ATP13A2: variants seen among roughly 807,000 people sequenced by gnomAD.
The protein encoded by ATP13A2 is polyamine-transporting ATPase 13A2.
Under a neutral mutation model 138.3 loss-of-function variants are expected in ATP13A2, and 83 were observed. That is an observed-to-expected ratio of 0.60 (90% CI 0.50 to 0.72). ATP13A2 has a LOEUF of 0.72. Ranked by LOEUF, ATP13A2 falls within the 30% of genes least tolerant of loss-of-function variation. The pLI is 0.00. For missense variants in ATP13A2, 1,402 were observed against 1,606.4 expected, an observed-to-expected ratio of 0.87 and a Z score of 2.17; for synonymous variants, 663 against 699.0, an observed-to-expected ratio of 0.95 and a Z score of 0.81.
At chr1:16,989,856 A>G (rs747248855) in intron 22 of ATP13A2, 31 bp downstream of exon 22, 17 of 1,608,674 alleles carry the variant, frequency 1.1e-5, no homozygotes, top group Non-Finnish European at 1.4e-5. Context: ...GGGGAGGCGC[A>G]GGGCGGCCAG....
intron 20 of ATP13A2, 93 bp from the exon 21 acceptor site, chr1:16,990,380 A>G: frequency 6.6e-7 from 1 of 1,524,268 alleles, no homozygotes; most frequent in Non-Finnish European, 9.0e-7. Flanking sequence ...GCTGGATGAA[A>G]TCCGTCTGCC....
chr1:17,009,387 CTTTTTTT>C (rs1161920218), intron 1 of ATP13A2, among the ~76,000 whole-genome samples: 1 of 116,502 alleles, frequency 8.6e-6, no homozygotes, highest in Admixed American at 9.9e-5. Context: ...GAGCCTCTTC[CTTTTTTT>C]TTTTTTTTTT....
chr1:17,003,608 C>T (rs920408880), intron 6 of ATP13A2, among the ~76,000 whole-genome samples: 55 of 151,326 alleles, frequency 3.6e-4, no homozygotes, highest in African/African-American at 1.3e-3. Context: ...CACACACACA[C>T]ACACACACAC....
chr1:16,991,974 G>T, intron 19 of ATP13A2, 35 bp downstream of exon 19: 1 of 1,609,716 alleles, frequency 6.2e-7, no homozygotes, highest in Non-Finnish European at 8.5e-7. Flanking sequence ...CCTCTGCCTA[G>T]TCCTCAGAGT....
chr1:16,996,565 C>T, intron 12 of ATP13A2, 69 bp from the exon 13 acceptor site: 1 of 1,268,930 alleles, frequency 7.9e-7, no homozygotes, highest in Non-Finnish European at 1.1e-6. Flanking sequence ...ACCCCTAGCC[C>T]TCCCGACCCG....
At chr1:17,002,898 C>T (rs1019088959) in intron 6 of ATP13A2, among the ~76,000 whole-genome samples, 4 of 152,322 alleles carry the variant, frequency 2.6e-5, no homozygotes, top group Non-Finnish European at 4.4e-5. Flanking sequence ...CTCCCCTCTG[C>T]CTCACCTCCA....
At chr1:17,007,111 T>G (rs1157580315) in intron 1 of ATP13A2, among the ~76,000 whole-genome samples, 1 of 152,164 alleles carries the variant, frequency 6.6e-6, no homozygotes, top group Admixed American at 6.5e-5. Context: ...ACTGCCGACC[T>G]CAGGTGATCC....
In ATP13A2 at chr1:16,987,246, C is replaced by T. The variant is rs2076769640; in HGVS notation, c.2883G>A (p.Leu961=). 2 of 1,613,668 alleles carry T rather than the reference C, an allele frequency of 1.2e-6. No homozygotes were observed. The highest frequency in any genetic ancestry group is 2.7e-5 in the African/African-American group (2 of 74,892). ...LYTINTNLGD[L]QFLAIDLVIT... Reference sequence around the variant, plus strand: ...TGACCAGGTCGATGGCCAGGAACTGCAGGTCACCCAGGTTGGTGTTGATCT... The same window carrying T: ...TGACCAGGTCGATGGCCAGGAACTGTAGGTCACCCAGGTTGGTGTTGATCT... Residue 961 remains leucine (L), a synonymous_variant, in exon 26 of 29, where the codon CTG becomes CTA. Coordinates refer to ENST00000326735, the MANE Select transcript of ATP13A2 (RefSeq NM_022089.4).
At position 16,986,456 on chromosome 1, in the gene ATP13A2, GC is replaced by G. The variant is rs1187475357; in HGVS notation, c.3405+6del. On this transcript the variant is annotated splice_donor_region_variant and intron_variant, in intron 28 of 28. Coordinates refer to ENST00000326735, the MANE Select transcript of ATP13A2 (RefSeq NM_022089.4). This position sits in a 1 kb window ranked among gnomAD's most constrained non-coding sequence, Gnocchi z 6.9. Reference sequence around the variant, plus strand: ...CTCCCGCTGCTGAGACCCAGGGCGGGCCCCACCTCCAGCATGAAGGCCCCCA... The same window carrying G: ...CTCCCGCTGCTGAGACCCAGGGCGGGCCCACCTCCAGCATGAAGGCCCCCA... The G allele has an allele frequency of 1.9e-6, 3 of 1,611,428 alleles. No individual in the cohort carries two copies. Among genetic ancestry groups the G allele is most frequent in the Middle Eastern group, 3.3e-4 (2 of 6,084 alleles).
intron 6 of ATP13A2, among the ~76,000 whole-genome samples, chr1:17,003,663 TTTC>T (rs1055355530): frequency 4.0e-5 from 3 of 74,838 alleles, no homozygotes; most frequent in East Asian, 6.3e-4. Flanking sequence ...TGTGTTTCTT[TTTC>T]TTTTTTTTTT....
Position 17,000,435 on chromosome 1 carries a change from T to C in ATP13A2, c.805A>G (p.Ile269Val). 6.2e-7 allele frequency: 1 copy of C among 1,613,766 alleles called. No individual in the cohort carries two copies. Among genetic ancestry groups the C allele is most frequent in the Admixed American group, 1.7e-5 (1 of 60,004 alleles). ...YALCIFLISS[I>V]SICLSLYKTR... ...TTGTACAGCGACAGGCAGATGGAGA[T>C]GGAGGAAATGAGGAAGATGCACAGG... Residue 269 changes from isoleucine (I) to valine (V), a missense_variant, in exon 9 of 29, where the codon ATC becomes GTC. Coordinates refer to ENST00000326735, the MANE Select transcript of ATP13A2 (RefSeq NM_022089.4).
intron 1 of ATP13A2, among the ~76,000 whole-genome samples, chr1:17,010,057 T>A (rs997455120): frequency 9.2e-5 from 14 of 152,022 alleles, no homozygotes; most frequent in African/African-American, 3.4e-4. Context: ...CATGATGGCA[T>A]TGCTCTTTTT....
chr1:16,991,256 C>T (rs926049371), intron 20 of ATP13A2, among the ~76,000 whole-genome samples: 9 of 151,976 alleles, frequency 5.9e-5, no homozygotes, highest in Non-Finnish European at 8.8e-5. Context: ...CGGCCATTTT[C>T]GTATTCTTTG....
At position 16,989,572 on chromosome 1, in the gene ATP13A2, G is replaced by T. The variant is rs2076850287; in HGVS notation, c.2609+119C>A. 14 of 965,788 alleles carry T rather than the reference G, an allele frequency of 1.4e-5. No individual in the cohort carries two copies. In the South Asian group the frequency reaches 1.9e-4, roughly 13 times the overall value. The allele number at this position is 965,788 out of a possible 1,614,324, so 59.8% of individuals were successfully genotyped here. A position where few individuals can be genotyped will look rare whatever the true frequency, so the allele number is the denominator to read the frequency against. On this transcript the variant is annotated intron_variant, in intron 23 of 28. Coordinates refer to ENST00000326735, the MANE Select transcript of ATP13A2 (RefSeq NM_022089.4). ...GCCTGCCTGCTTTTGGTGAGGAGGG[G>T]TGACAGCTCTCTGGTGCCTGAGGAG...
At position 16,997,427 on chromosome 1, in the gene ATP13A2, G is replaced by A. The variant is rs914695024; in HGVS notation, c.1040-252C>T. Among the ~76,000 whole-genome samples the A allele has an allele frequency of 8.1e-5, 11 of 136,484 alleles. 2 individuals carry two copies. The highest frequency in any genetic ancestry group is 7.3e-4 in the Admixed American group (10 of 13,622). 89.5% of individuals were successfully genotyped at this position (136,484 alleles called of 152,430 possible). A position where few individuals can be genotyped will look rare whatever the true frequency, so the allele number is the denominator to read the frequency against. ...CCCTGGAACCAGCGGGGGGGGGTGG[G>A]TCAGACAGAGCATGTGTGGGCATCA... On this transcript the variant is annotated intron_variant, in intron 11 of 28. Coordinates refer to ENST00000326735, the MANE Select transcript of ATP13A2 (RefSeq NM_022089.4).
chr1:16,989,942 AGGGCCAGGTGCCTGGATC>A lies in ATP13A2; in HGVS notation c.2456_2473del (p.Arg819_Ala824del). The A allele has an allele frequency of 6.2e-7, 1 of 1,603,414 alleles. No individual in the cohort carries two copies. The highest frequency in any genetic ancestry group is 1.1e-5 in the South Asian group (1 of 89,954). ...AATGATACCAAAGGTGGGCCCGCTG[AGGGCCAGGTGCCTGGATC>A]GGGGGTCTGGCTCCACGGTGTAGCT... On this transcript the variant is annotated inframe_deletion, in exon 22 of 29. Coordinates refer to ENST00000326735, the MANE Select transcript of ATP13A2 (RefSeq NM_022089.4).
intron 23 of ATP13A2, 150 bp from the exon 24 acceptor site, chr1:16,988,624 T>A (rs2076818167): frequency 1.4e-6 from 1 of 712,754 alleles, no homozygotes. Flanking sequence ...TTATTATTAT[T>A]ATTATCATTA....
Position 16,992,372 on chromosome 1 carries a change from G to A in ATP13A2, c.1876C>T (p.His626Tyr), listed in dbSNP as rs778267471. Residue 626 changes from histidine (H) to tyrosine (Y), a missense_variant, in exon 18 of 29, where the codon CAC (histidine) becomes TAC (tyrosine). Transcript: ENST00000326735. ...EEPPVPVSVL[H>Y]RFPFSSALQR... ...AGAGCCGAAGAGAAGGGGAAGCGGTGGAGGACGCTGACTGGCACCGGGGGC... is the reference window on the plus strand; with the variant it reads ...AGAGCCGAAGAGAAGGGGAAGCGGTAGAGGACGCTGACTGGCACCGGGGGC... The A allele has an allele frequency of 1.4e-5, 23 of 1,613,474 alleles. No homozygotes were observed. The highest frequency in any genetic ancestry group is 1.8e-5 in the Non-Finnish European group (21 of 1,179,910).
chr1:16,987,101 C>T lies in ATP13A2; in HGVS notation c.3028G>A (p.Val1010Ile). Reference protein sequence around the residue: ...PVLSSLLLQMVLVTGVQLGGY... With the variant: ...PVLSSLLLQMILVTGVQLGGY... Reference sequence around the variant, plus strand: ...CCTAGCTGCACGCCGGTCACCAGGACCATCTGCAGCAGCAGGCTGCTGAGC... The same window carrying T: ...CCTAGCTGCACGCCGGTCACCAGGATCATCTGCAGCAGCAGGCTGCTGAGC... The change falls in exon 26 of 29, where the codon GTC (valine) becomes ATC (isoleucine). Residue 1010 changes from valine (V) to isoleucine (I), a missense_variant. Transcript: ENST00000326735. 6.2e-7 allele frequency: 1 copy of T among 1,613,492 alleles called. No individual in the cohort carries two copies. The highest frequency in any genetic ancestry group is 8.5e-7 in the Non-Finnish European group (1 of 1,179,954).
Sources: gnomAD v4.1 joint callset for allele counts (sites outside exome capture counted in the v4.1 genomes callset) on GRCh38, gnomAD v4.1.1 for gene constraint, Gnocchi (gnomAD v3.1) non-coding constraint, MANE v1.5 for transcripts, NCBI Gene and HGNC (gene_info 2026-07-23, HGNC 2026-07-21) for gene names.